TRIM60: variants seen among roughly 807,000 people sequenced by gnomAD.
TRIM60 encodes the protein tripartite motif containing 60.
For missense variants in TRIM60, 524 were observed against 540.8 expected, an observed-to-expected ratio of 0.97 and a Z score of 0.31; for synonymous variants, 189 against 195.2, an observed-to-expected ratio of 0.97 and a Z score of 0.27.
At chr4:165,038,260 G>T (rs1448685229) in intron 1 of TRIM60, among the ~76,000 whole-genome samples, 2 of 152,122 alleles carry the variant, frequency 1.3e-5, no homozygotes, top group African/African-American at 4.8e-5. Flanking sequence ...TAACTTTGAT[G>T]TATTACTAAT....
chr4:165,035,258 T>A (rs1733594579), intron 1 of TRIM60, among the ~76,000 whole-genome samples: 1 of 152,114 alleles, frequency 6.6e-6, no homozygotes, highest in South Asian at 2.1e-4. Context: ...AGAGATGAGG[T>A]CTTGCTCTGT....
At chr4:165,032,829 G>A (rs1298767842) in intron 1 of TRIM60, among the ~76,000 whole-genome samples, 1 of 152,088 alleles carries the variant, frequency 6.6e-6, no homozygotes, top group Non-Finnish European at 1.5e-5. Flanking sequence ...TGAATCTTGA[G>A]ATCTGGGAAT....
At position 165,041,377 on chromosome 4, in the gene TRIM60, T is replaced by C; in HGVS notation, c.1305T>C (p.Ser435=). Residue 435 remains serine, a synonymous_variant, in exon 3 of 3, where the codon TCT becomes TCC. Transcript: ENST00000512596. The part of the protein sequence containing the change: ...DLSFYNMNDR[S]ILYTFNDCFT... ...CCTTTTATAATATGAATGATAGGTC[T>C]ATTCTCTATACTTTTAACGATTGTT... 1 of 1,613,978 alleles carries C rather than the reference T, an allele frequency of 6.2e-7. No homozygotes were observed. Among genetic ancestry groups the C allele is most frequent in the Non-Finnish European group, 8.5e-7 (1 of 1,179,856 alleles).
chr4:165,036,698 T>C (rs1181089483), intron 1 of TRIM60, among the ~76,000 whole-genome samples: 1 of 152,042 alleles, frequency 6.6e-6, no homozygotes, highest in Non-Finnish European at 1.5e-5. Context: ...CCAGCCAACA[T>C]GGCGAAACCC....
At chr4:165,039,969 A>G in intron 2 of TRIM60, 100 bp from the exon 3 acceptor site, 1 of 904,528 alleles carries the variant, frequency 1.1e-6, no homozygotes, top group Non-Finnish European at 1.7e-6. Flanking sequence ...TGATCAATCT[A>G]CAAGGTCTGG....
chr4:165,040,740 T>G lies in TRIM60; in HGVS notation c.668T>G (p.Leu223Arg), dbSNP rs775734767. Reference sequence around the variant, plus strand: ...AAACTAAATGAAAACCTTGTAGAACTTTCAGATTATGTTTCCACATTAAAA... The same window carrying G: ...AAACTAAATGAAAACCTTGTAGAACGTTCAGATTATGTTTCCACATTAAAA... ...LAKLNENLVELSDYVSTLKHL... is the reference protein window; with the variant it reads ...LAKLNENLVERSDYVSTLKHL... The change falls in exon 3 of 3, where the codon CTT becomes CGT. Residue 223 changes from leucine (L) to arginine (R), a missense_variant. Coordinates refer to ENST00000512596, the MANE Select transcript of TRIM60 (RefSeq NM_152620.3). 1.2e-6 allele frequency: 2 copies of G among 1,613,994 alleles called. No homozygotes were observed. Among genetic ancestry groups the G allele is most frequent in the African/African-American group, 2.7e-5 (2 of 74,942 alleles).
intron 1 of TRIM60, 66 bp from the exon 2 acceptor site, chr4:165,039,135 A>T (rs1462573024): frequency 4.0e-5 from 6 of 151,854 alleles, no homozygotes; most frequent in Admixed American, 2.0e-4. Context: ...GTAGAATTTT[A>T]TTTATTTTAT....
At chr4:165,039,819 A>C (rs2111216435) in intron 2 of TRIM60, among the ~76,000 whole-genome samples, 1 of 152,184 alleles carries the variant, frequency 6.6e-6, no homozygotes, top group East Asian at 1.9e-4. Context: ...AAAAAAAAAA[A>C]AAAAGATTCA....
At chr4:165,034,350 C>A (rs1232287018) in intron 1 of TRIM60, among the ~76,000 whole-genome samples, 2 of 152,048 alleles carry the variant, frequency 1.3e-5, no homozygotes, top group African/African-American at 4.8e-5. Flanking sequence ...GACGGGGTTT[C>A]ACCATGTTAG....
intron 1 of TRIM60, among the ~76,000 whole-genome samples, chr4:165,032,920 C>T (rs921906923): frequency 1.3e-5 from 2 of 151,978 alleles, no homozygotes; most frequent in African/African-American, 4.8e-5. Flanking sequence ...GGCGCGGTGG[C>T]TCACACCTGT....
chr4:165,041,749 ATTTTT>A (rs59349426), downstream of TRIM60: 1 of 258,722 alleles, frequency 3.9e-6, no homozygotes, highest in African/African-American at 2.3e-5. Context: ...ATTGCCTATA[ATTTTT>A]TTTTTTAGTT....
chr4:165,032,398 G>T (rs960687781), intron 1 of TRIM60, among the ~76,000 whole-genome samples: 5 of 152,108 alleles, frequency 3.3e-5, no homozygotes, highest in Non-Finnish European at 5.9e-5. Context: ...ACAGGCGCTC[G>T]CCACCACACC....
chr4:165,037,305 CA>C (rs1400144867), intron 1 of TRIM60, among the ~76,000 whole-genome samples: 2 of 151,778 alleles, frequency 1.3e-5, no homozygotes, highest in African/African-American at 4.9e-5. Flanking sequence ...ATACGCCTAT[CA>C]AATCATTATA....
At chr4:165,036,881 CAAA>C (rs58526101) in intron 1 of TRIM60, among the ~76,000 whole-genome samples, 2 of 76,232 alleles carry the variant, frequency 2.6e-5, no homozygotes. Context: ...GACTCTGTCT[CAAA>C]AAAAAAAAAA....
chr4:165,035,471 G>T (rs923602784), intron 1 of TRIM60, among the ~76,000 whole-genome samples: 25 of 152,200 alleles, frequency 1.6e-4, no homozygotes, highest in African/African-American at 6.0e-4. Context: ...CCAAAAGTCC[G>T]CTCTGCGTGA....
intron 2 of TRIM60, chr4:165,039,706 G>A (rs1302661124): frequency 6.4e-6 from 1 of 156,884 alleles, no homozygotes; most frequent in Non-Finnish European, 1.4e-5. Context: ...GCTGAGGCAG[G>A]AGAATGGCGT....
chr4:165,039,639 A>C (rs1324988770), intron 2 of TRIM60: 1 of 153,684 alleles, frequency 6.5e-6, no homozygotes, highest in Non-Finnish European at 1.4e-5. Context: ...TCTACTAAAA[A>C]TACAAAAAAT....
chr4:165,036,641 G>A (rs1733628966), intron 1 of TRIM60, among the ~76,000 whole-genome samples: 1 of 152,100 alleles, frequency 6.6e-6, no homozygotes, highest in Non-Finnish European at 1.5e-5. Flanking sequence ...CTCACTTTGA[G>A]ACACTGAGGC....
At position 165,040,427 on chromosome 4, in the gene TRIM60, T is replaced by C. The variant is rs771691096; in HGVS notation, c.355T>C (p.Cys119Arg). ...AGATCTAGAGATCTTATGTACACAG[T>C]GCAGTTTCTCCACTAAACACCAGAA... ...VKDLEILCTQ[C>R]SFSTKHQKHY... Residue 119 changes from cysteine (C) to arginine (R), a missense_variant, in exon 3 of 3, where the codon TGC (cysteine) becomes CGC (arginine). Cys to Arg is a radical substitution (Grantham distance 180). Coordinates refer to ENST00000512596, the MANE Select transcript of TRIM60 (RefSeq NM_152620.3). 5.0e-6 allele frequency: 8 copies of C among 1,614,184 alleles called. No homozygotes were observed. The South Asian group carries it at 7.7e-5, about 16-fold the overall frequency.
Sources: allele counts gnomAD v4.1 joint callset (sites outside exome capture counted in the v4.1 genomes callset), GRCh38; gene constraint gnomAD v4.1.1; transcripts MANE v1.5; gene names NCBI Gene and HGNC (gene_info 2026-07-23, HGNC 2026-07-21).